Variants in PDLIM5 observed in about 807,000 individuals in gnomAD.
PDLIM5 encodes PDZ and LIM domain protein 5.
PDLIM5 carries 34 observed loss-of-function variants against 64.2 expected under a neutral mutation model. The observed-to-expected ratio is 0.53, with a 90% CI of 0.40 to 0.71. PDLIM5 has a LOEUF of 0.71. PDLIM5 is among the 30% of genes least tolerant of loss of function. The pLI, the probability that PDLIM5 is intolerant of heterozygous loss-of-function variation, is 0.00. For missense variants in PDLIM5, 683 were observed against 733.6 expected (o/e 0.93, Z 0.80); for synonymous variants, 253 against 269.1 (o/e 0.94, Z 0.59).
chr4:94,629,671 G>T (rs72880423), intron 8 of PDLIM5, among the ~76,000 whole-genome samples: 5,729 of 152,288 alleles, frequency 0.038, 375 homozygotes, highest in African/African-American at 0.13. Context: ...GCTAATGGAA[G>T]AAGCTAGCCT....
At chr4:94,605,674 G>C (rs1737850829) in intron 7 of PDLIM5, among the ~76,000 whole-genome samples, 1 of 152,158 alleles carries the variant, frequency 6.6e-6, no homozygotes, top group East Asian at 1.9e-4. Context: ...GCAATGAAGA[G>C]ATAATCAATA....
intron 2 of PDLIM5, among the ~76,000 whole-genome samples, chr4:94,501,217 T>G (rs975885071): frequency 3.3e-5 from 5 of 151,958 alleles, no homozygotes; most frequent in Admixed American, 6.6e-5. Context: ...AGACTACAGG[T>G]GTGTGCCACT....
chr4:94,614,909 C>T (rs1738652703), intron 7 of PDLIM5, among the ~76,000 whole-genome samples: 1 of 152,110 alleles, frequency 6.6e-6, no homozygotes, highest in Non-Finnish European at 1.5e-5. Context: ...CCAAGTGATC[C>T]ATAGTACATT....
intron 3 of PDLIM5, among the ~76,000 whole-genome samples, chr4:94,570,855 C>CT (rs1734750243): frequency 1.3e-5 from 2 of 152,082 alleles, no homozygotes; most frequent in Admixed American, 6.6e-5. Flanking sequence ...AAACACCCTC[C>CT]TTTTTTTCTG....
chr4:94,535,850 T>C (rs1342492755), intron 3 of PDLIM5, among the ~76,000 whole-genome samples: 1 of 151,410 alleles, frequency 6.6e-6, no homozygotes, highest in Non-Finnish European at 1.5e-5. Flanking sequence ...TTTTTTTTTT[T>C]TTTTTTAATG....
rs34137049 is a variant in PDLIM5 at position 94,542,336 on chromosome 4, T to TAAATAAATAAATA, written c.248+18463_248+18464insATAAATAAATAAA. Among the ~76,000 whole-genome samples, 836 of 141,528 alleles carry TAAATAAATAAATA rather than the reference T, an allele frequency of 5.9e-3. 9 individuals are homozygous for TAAATAAATAAATA. Among genetic ancestry groups the TAAATAAATAAATA allele is most frequent in the African/African-American group, 0.021 (746 of 36,030 alleles). 92.8% of individuals were successfully genotyped at this position (141,528 alleles called of 152,430 possible). On this transcript the variant is annotated intron_variant, in intron 3 of 12. Transcript: ENST00000317968. ...TAAATAAATAAATAAATAAATAAAG[T>TAAATAAATAAATA]AAGTAAGTAAGTAAGTGGTCCCTCT...
intron 2 of PDLIM5, among the ~76,000 whole-genome samples, chr4:94,464,656 A>G (rs1724190012): frequency 6.6e-6 from 1 of 152,356 alleles, no homozygotes; most frequent in Admixed American, 6.5e-5. Context: ...CGTGTTACAC[A>G]TATAATTTCC....
chr4:94,594,436 TTAAATA>T (rs1736908050), intron 7 of PDLIM5, among the ~76,000 whole-genome samples: 1 of 151,890 alleles, frequency 6.6e-6, no homozygotes, highest in African/African-American at 2.4e-5. Context: ...AAGGAAATGT[TTAAATA>T]TAAGAATCTA....
chr4:94,481,795 G>A (rs1407512825), intron 2 of PDLIM5, among the ~76,000 whole-genome samples: 1 of 151,866 alleles, frequency 6.6e-6, no homozygotes, highest in Non-Finnish European at 1.5e-5. Flanking sequence ...ATTTTTAGTA[G>A]AGATGGGGTT....
At chr4:94,573,555 G>GGGAA in intron 4 of PDLIM5, 162 bp downstream of exon 4, 2 of 745,920 alleles carry the variant, frequency 2.7e-6, no homozygotes, top group Non-Finnish European at 4.9e-6. Flanking sequence ...GGGAAATGGA[G>GGGAA]ATCAGCACAT....
Position 94,586,407 on chromosome 4 carries a change from G to T in PDLIM5, c.884-1G>T, listed in dbSNP as rs768539273. On this transcript the variant is annotated splice_acceptor_variant, in intron 6 of 12. Coordinates refer to ENST00000317968, the MANE Select transcript of PDLIM5 (RefSeq NM_006457.5). LOFTEE classifies it high-confidence loss of function. ...ATTGGATATTGCTTATTATATTTCA[G>T]TGAAAGAATCTGAAGCCGATAATAC... The T allele has an allele frequency of 1.3e-6, 2 of 1,488,262 alleles. No homozygotes were observed. The highest frequency in any genetic ancestry group is 1.9e-6 in the Non-Finnish European group (2 of 1,071,248). 92.2% of individuals were successfully genotyped at this position (1,488,262 alleles called of 1,614,324 possible).
intron 2 of PDLIM5, among the ~76,000 whole-genome samples, chr4:94,487,979 C>G (rs769836487): frequency 1.3e-5 from 2 of 152,162 alleles, no homozygotes; most frequent in Non-Finnish European, 2.9e-5. Context: ...TTTAAGGACA[C>G]AAATGTTTGA....
intron 3 of PDLIM5, among the ~76,000 whole-genome samples, chr4:94,571,571 C>T (rs1009516473): frequency 6.6e-6 from 1 of 152,192 alleles, no homozygotes; most frequent in African/African-American, 2.4e-5. Flanking sequence ...TTGTGATGAT[C>T]ACTGCAGTTC....
rs190693323 is a variant in PDLIM5 at position 94,599,643 on chromosome 4, T to G, written c.920+13199T>G. Among the ~76,000 whole-genome samples, 14 of 152,240 alleles carry G rather than the reference T, an allele frequency of 9.2e-5. No homozygotes were observed. In the East Asian group the frequency reaches 2.7e-3, roughly 29 times the overall value. ...TCAAACAATTCAATAGTAAGGTTAT[T>G]TATTCAGTGATTGTGCATGATTATT... On this transcript the variant is annotated intron_variant, in intron 7 of 12. Coordinates refer to ENST00000317968, the MANE Select transcript of PDLIM5 (RefSeq NM_006457.5).
At chr4:94,547,904 A>G (rs1403042873) in intron 3 of PDLIM5, among the ~76,000 whole-genome samples, 1 of 152,162 alleles carries the variant, frequency 6.6e-6, no homozygotes, top group Non-Finnish European at 1.5e-5. Context: ...ACTGTTGAGA[A>G]AATGTCAGTG....
At position 94,490,076 on chromosome 4, in the gene PDLIM5, T is replaced by G. The variant is rs148610959; in HGVS notation, c.97-33648T>G. Among the ~76,000 whole-genome samples, 516 of 151,994 alleles carry G rather than the reference T, an allele frequency of 3.4e-3. 1 individual carries two copies. The highest frequency in any genetic ancestry group is 0.012 in the African/African-American group (480 of 41,522). ...ATGAATGTTTTTGTGGGTTTTTTTT[T>G]GCCTAATATATATTTTTATGTGGCT... On this transcript the variant is annotated intron_variant, in intron 2 of 12. Transcript: ENST00000317968.
intron 3 of PDLIM5, among the ~76,000 whole-genome samples, chr4:94,554,908 G>A (rs1446222200): frequency 6.6e-6 from 1 of 152,126 alleles, no homozygotes; most frequent in Non-Finnish European, 1.5e-5. Flanking sequence ...TTTCAGTACA[G>A]TATTCAATAA....
chr4:94,536,574 T>A (rs1329128428), intron 3 of PDLIM5, among the ~76,000 whole-genome samples: 1 of 152,192 alleles, frequency 6.6e-6, no homozygotes, highest in Non-Finnish European at 1.5e-5. Flanking sequence ...ATGGCTTAGA[T>A]GTAGTCATAG....
At chr4:94,469,709 G>A (rs1379002848) in intron 2 of PDLIM5, among the ~76,000 whole-genome samples, 1 of 152,104 alleles carries the variant, frequency 6.6e-6, no homozygotes, top group African/African-American at 2.4e-5. Flanking sequence ...TTACTATTAT[G>A]GTGATCTGAC....
Sources: allele counts gnomAD v4.1 joint callset (sites outside exome capture counted in the v4.1 genomes callset), GRCh38; gene constraint gnomAD v4.1.1; transcripts MANE v1.5; gene names NCBI Gene and HGNC (gene_info 2026-07-23, HGNC 2026-07-21).